Variants in NRXN3 observed in about 807,000 individuals in gnomAD.
NRXN3 encodes the protein neurexin III.
Under a neutral mutation model 137.6 loss-of-function variants are expected in NRXN3, and 32 were observed. The ratio of observed to expected loss-of-function variants is 0.23; its 90% CI spans 0.18 to 0.31. The LOEUF (loss-of-function observed/expected upper bound fraction) is 0.31. Among genes scored for constraint, NRXN3 ranks in the 10% least tolerant of loss-of-function variants. NRXN3 has a pLI of 1.00. For missense variants in NRXN3, 1,574 were observed against 2,062.5 expected, an observed-to-expected ratio of 0.76 and a Z score of 4.59; for synonymous variants, 798 against 784.5, an observed-to-expected ratio of 1.02 and a Z score of -0.29.
At chr14:78,910,308 T>C (rs2099233389) in intron 10 of NRXN3, among the ~76,000 whole-genome samples, 1 of 152,098 alleles carries the variant, frequency 6.6e-6, no homozygotes, top group Non-Finnish European at 1.5e-5. Flanking sequence ...ATCCTCTGTA[T>C]ATAATTTTTC....
intron 16 of NRXN3, among the ~76,000 whole-genome samples, chr14:79,585,168 T>C (rs923714110): frequency 5.3e-5 from 8 of 152,128 alleles, no homozygotes; most frequent in African/African-American, 1.9e-4. Context: ...CCCAAAGATG[T>C]TGGGTTAATT....
chr14:79,318,217 A>G (rs990423239), intron 15 of NRXN3, among the ~76,000 whole-genome samples: 27 of 152,274 alleles, frequency 1.8e-4, no homozygotes, highest in African/African-American at 6.5e-4. Flanking sequence ...GAACATGACA[A>G]AATAAAAACA....
intron 4 of NRXN3, among the ~76,000 whole-genome samples, chr14:78,627,022 ATC>A (rs900112992): frequency 6.6e-6 from 1 of 151,300 alleles, no homozygotes; most frequent in Non-Finnish European, 1.5e-5. Context: ...GGAGAATCCA[ATC>A]TTCTTTAGCT....
Position 78,316,321 on chromosome 14 carries a change from C to A in NRXN3, c.757+18461C>A, listed in dbSNP as rs901541046. Among the ~76,000 whole-genome samples, 9 of 151,830 alleles carry A rather than the reference C, an allele frequency of 5.9e-5. 2 individuals are homozygous for A. The Middle Eastern group carries it at 0.017, about 289-fold the overall frequency. On this transcript the variant is annotated intron_variant, in intron 4 of 20. Coordinates refer to ENST00000335750, the MANE Select transcript of NRXN3 (RefSeq NM_001330195.2). ...CAGACAGCTGTGGGGGTAGGGTGGA[C>A]AATTTGCTTCTGATATTTAAATCCC...
chr14:78,263,804 T>G (rs1166973190), intron 2 of NRXN3, among the ~76,000 whole-genome samples: 1 of 152,042 alleles, frequency 6.6e-6, no homozygotes, highest in African/African-American at 2.4e-5. Flanking sequence ...GAATGTTTGA[T>G]CCTTCCTTCA....
intron 4 of NRXN3, among the ~76,000 whole-genome samples, chr14:78,570,388 A>G (rs904218383): frequency 6.6e-6 from 1 of 152,200 alleles, no homozygotes; most frequent in Admixed American, 6.5e-5. Flanking sequence ...TCTATTGTTT[A>G]TAAGCCACCC....
chr14:79,441,515 A>G (rs916121691), intron 15 of NRXN3, among the ~76,000 whole-genome samples: 61 of 151,156 alleles, frequency 4.0e-4, no homozygotes, highest in Admixed American at 8.6e-4. Flanking sequence ...GAGTAGCTGG[A>G]ACTACAGGCG....
At chr14:78,234,001 G>C (rs1291704081) in intron 1 of NRXN3, among the ~76,000 whole-genome samples, 1 of 152,162 alleles carries the variant, frequency 6.6e-6, no homozygotes, top group Admixed American at 6.5e-5. Flanking sequence ...TGAATCATGG[G>C]GGCAGATCTT....
At chr14:79,504,477 A>G (rs1283524853) in intron 16 of NRXN3, among the ~76,000 whole-genome samples, 1 of 151,682 alleles carries the variant, frequency 6.6e-6, no homozygotes, top group East Asian at 1.9e-4. Flanking sequence ...TTCCAAAAAG[A>G]CTACCAGGAT....
At chr14:79,250,976 A>G (rs2075841519) in intron 15 of NRXN3, among the ~76,000 whole-genome samples, 1 of 152,218 alleles carries the variant, frequency 6.6e-6, no homozygotes, top group African/African-American at 2.4e-5. Flanking sequence ...GGGAAAAATG[A>G]CATCAGGTGT....
At chr14:78,974,229 G>C (rs1164522435) in intron 14 of NRXN3, among the ~76,000 whole-genome samples, 1 of 152,170 alleles carries the variant, frequency 6.6e-6, no homozygotes, top group Admixed American at 6.5e-5. Context: ...ATGGAAGAGA[G>C]AGAGAAGGGG....
At chr14:78,840,433 G>C (rs2099009165) in intron 10 of NRXN3, among the ~76,000 whole-genome samples, 1 of 152,164 alleles carries the variant, frequency 6.6e-6, no homozygotes, top group South Asian at 2.1e-4. Context: ...TTACTTAGAA[G>C]TTAAAAGTCA....
chr14:78,605,245 GT>G (rs2097239582), intron 4 of NRXN3, among the ~76,000 whole-genome samples: 1 of 152,114 alleles, frequency 6.6e-6, no homozygotes, highest in South Asian at 2.1e-4. Context: ...TGATGTCACA[GT>G]TTTCACTCTT....
At chr14:78,744,387 C>T (rs1025034325) in intron 8 of NRXN3, 4 of 152,220 alleles carry the variant, frequency 2.6e-5, no homozygotes, top group African/African-American at 9.7e-5. Flanking sequence ...CCTCGGCCTT[C>T]CAAAGTGCTG....
intron 20 of NRXN3, among the ~76,000 whole-genome samples, chr14:79,859,126 A>G (rs541849386): frequency 2.0e-5 from 3 of 152,288 alleles, no homozygotes; most frequent in African/African-American, 7.2e-5. Context: ...ATACTACAAG[A>G]TCATCTTGAG....
chr14:78,659,714 CAA>C (rs202186566), intron 6 of NRXN3, among the ~76,000 whole-genome samples: 3,226 of 104,236 alleles, frequency 0.031, 82 homozygotes, highest in African/African-American at 0.094. Flanking sequence ...TGTGTGAGGA[CAA>C]AAAAAAAAAA....
chr14:79,427,350 G>C (rs897235272), intron 15 of NRXN3, among the ~76,000 whole-genome samples: 6 of 152,076 alleles, frequency 3.9e-5, no homozygotes, highest in Non-Finnish European at 7.4e-5. Context: ...TCCTCGCAAG[G>C]TTTGTCTTTT....
intron 4 of NRXN3, among the ~76,000 whole-genome samples, chr14:78,464,110 T>C (rs1044749028): frequency 6.6e-6 from 1 of 151,044 alleles, no homozygotes; most frequent in Non-Finnish European, 1.5e-5. Flanking sequence ...TGGAGTGCAA[T>C]GGTATGATCT....
intron 20 of NRXN3, chr14:79,853,572 C>A: frequency 7.4e-7 from 1 of 1,351,476 alleles, no homozygotes. Flanking sequence ...TCACTCCGTG[C>A]CGCCCTTACA....
Sources: gnomAD v4.1 joint callset for allele counts (sites outside exome capture counted in the v4.1 genomes callset) on GRCh38, gnomAD v4.1.1 for gene constraint, MANE v1.5 for transcripts, NCBI Gene and HGNC (gene_info 2026-07-23, HGNC 2026-07-21) for gene names.